USP34: variants seen among roughly 807,000 people sequenced by gnomAD.
USP34 encodes ubiquitin carboxyl-terminal hydrolase 34.
In USP34, 70 loss-of-function variants were observed where a neutral mutation model predicts 460.3. That is an observed-to-expected ratio of 0.15 (90% CI 0.13 to 0.19). The LOEUF (loss-of-function observed/expected upper bound fraction) is 0.19. USP34 is among the 10% of genes least tolerant of loss of function. USP34 has a pLI of 1.00. For synonymous variants in USP34, 1,647 were observed against 1,405.3 expected, an observed-to-expected ratio of 1.17 and a Z score of -3.85; for missense variants, 3,985 against 4,236.2, an observed-to-expected ratio of 0.94 and a Z score of 1.65.
intron 76 of USP34, 54 bp from the exon 77 acceptor site, chr2:61,190,712 A>C: frequency 6.4e-7 from 1 of 1,554,752 alleles, no homozygotes; most frequent in Non-Finnish European, 8.6e-7. Context: ...GAAAAAACTT[A>C]CACGGAAAAA....
chr2:61,387,681 ATAT>A (rs1243044979), intron 5 of USP34, among the ~76,000 whole-genome samples: 4 of 143,712 alleles, frequency 2.8e-5, no homozygotes, highest in Non-Finnish European at 6.1e-5. Context: ...ATGTAAAAAT[ATAT>A]TTTTACATAT....
At chr2:61,223,197 C>T (rs368856436) in intron 63 of USP34, 33 bp from the exon 64 acceptor site, 42 of 1,612,486 alleles carry the variant, frequency 2.6e-5, no homozygotes, top group Admixed American at 2.2e-4. Flanking sequence ...ATTTAAGAAC[C>T]GTTATTATTT....
intron 16 of USP34, among the ~76,000 whole-genome samples, chr2:61,340,740 T>G (rs780191112): frequency 2.6e-5 from 4 of 152,180 alleles, no homozygotes; most frequent in Non-Finnish European, 4.4e-5. Context: ...AATAAGTAAT[T>G]TGCCACTCTT....
chr2:61,235,122 T>C (rs1688028094), intron 57 of USP34, among the ~76,000 whole-genome samples: 2 of 152,180 alleles, frequency 1.3e-5, no homozygotes, highest in Non-Finnish European at 2.9e-5. Context: ...CATAACTACA[T>C]GGTGATAGAT....
intron 7 of USP34, among the ~76,000 whole-genome samples, chr2:61,379,214 AAAC>A: frequency 6.6e-6 from 1 of 152,260 alleles, no homozygotes; most frequent in East Asian, 1.9e-4. Context: ...TACCAAAACA[AAAC>A]AAAACAAAAA....
At chr2:61,412,906 A>G (rs1306379746) in intron 2 of USP34, among the ~76,000 whole-genome samples, 1 of 146,672 alleles carries the variant, frequency 6.8e-6, no homozygotes, top group Non-Finnish European at 1.5e-5. Flanking sequence ...AAAAAAAAAG[A>G]GAGAATATGA....
At chr2:61,258,378 C>G (rs1688778080) in intron 44 of USP34, among the ~76,000 whole-genome samples, 1 of 152,056 alleles carries the variant, frequency 6.6e-6, no homozygotes, top group Non-Finnish European at 1.5e-5. Context: ...TCCCTGTCCT[C>G]AAGATTTAAC....
intron 61 of USP34, 60 bp downstream of exon 61, chr2:61,228,585 C>T (rs943608704): frequency 1.7e-5 from 25 of 1,501,488 alleles, no homozygotes; most frequent in Non-Finnish European, 2.1e-5. Context: ...GGACTTCGCA[C>T]GATGCAAACT....
intron 3 of USP34, among the ~76,000 whole-genome samples, chr2:61,405,232 C>A (rs1371645908): frequency 6.4e-5 from 5 of 78,058 alleles, no homozygotes; most frequent in Non-Finnish European, 9.2e-5. Flanking sequence ...GACTCCATCT[C>A]AAAAAAAAAA....
chr2:61,202,047 A>G (rs767833835), intron 75 of USP34, among the ~76,000 whole-genome samples: 1 of 152,212 alleles, frequency 6.6e-6, no homozygotes, highest in Non-Finnish European at 1.5e-5. Flanking sequence ...AAACCAGCTA[A>G]TAATACCAGG....
chr2:61,287,163 C>A (rs1334300265), intron 34 of USP34, among the ~76,000 whole-genome samples: 1 of 152,078 alleles, frequency 6.6e-6, no homozygotes, highest in Admixed American at 6.6e-5. Context: ...CATTTAACCC[C>A]CAAAATTCCA....
At chr2:61,436,686 A>C (rs1182206861) in intron 1 of USP34, among the ~76,000 whole-genome samples, 1 of 152,222 alleles carries the variant, frequency 6.6e-6, no homozygotes, top group African/African-American at 2.4e-5. Flanking sequence ...TAGACCAAAT[A>C]AAACCAACAG....
chr2:61,222,577 G>A (rs1687617835), intron 65 of USP34, 42 bp downstream of exon 65: 9 of 1,555,102 alleles, frequency 5.8e-6, no homozygotes, highest in Non-Finnish European at 8.0e-6. Flanking sequence ...TAGCAGTGCT[G>A]AAAATTGTTT....
rs13390625 is a variant in USP34, at chr2:61,350,502, C to G, written c.1377+66G>C. ...GACAATAAAATGAAAGTTAAATTATCTGAATCACAAGGAAATTTTCACTTC... is the reference window on the plus strand; with the variant it reads ...GACAATAAAATGAAAGTTAAATTATGTGAATCACAAGGAAATTTTCACTTC... On this transcript the variant is annotated intron_variant, in intron 11 of 79. Transcript: ENST00000398571. 4 of 1,557,542 alleles carry G rather than the reference C, an allele frequency of 2.6e-6. No homozygotes were observed. The African/African-American group carries it at 5.6e-5, about 22-fold the overall frequency.
At position 61,247,534 on chromosome 2, in the gene USP34, A is replaced by AT. The variant is rs534791564; in HGVS notation, c.6394+976dup. On this transcript the variant is annotated intron_variant, in intron 49 of 79. Coordinates refer to ENST00000398571, the MANE Select transcript of USP34 (RefSeq NM_014709.4). ...TTCTGCTCTACTCTTCCAGAAAAAAATTTTTTTTCAAATAGATGGAGTCTT... is the reference window on the plus strand; with the variant it reads ...TTCTGCTCTACTCTTCCAGAAAAAAATTTTTTTTTCAAATAGATGGAGTCTT... 5.1e-3 allele frequency among the ~76,000 whole-genome samples: 775 copies of AT among 152,088 alleles called. 6 individuals are homozygous for AT. Among genetic ancestry groups the AT allele is most frequent in the African/African-American group, 0.018 (731 of 41,478 alleles).
In USP34 at chr2:61,283,738, T is replaced by C. The variant is rs1299871477; in HGVS notation, c.4833-289A>G. 2.0e-5 allele frequency among the ~76,000 whole-genome samples: 3 copies of C among 152,108 alleles called. No homozygotes were observed. The East Asian group carries it at 5.8e-4, about 29-fold the overall frequency. ...CTCAAGCAACCCTCCCACCTCAGCC[T>C]CCCAATAGCTGGGACTACAAGCATG... On this transcript the variant is annotated intron_variant, in intron 35 of 79. Transcript: ENST00000398571.
intron 41 of USP34, among the ~76,000 whole-genome samples, chr2:61,266,554 G>A (rs1028079093): frequency 1.3e-5 from 2 of 152,084 alleles, no homozygotes; most frequent in East Asian, 1.9e-4. Flanking sequence ...AATAACAGTG[G>A]CAAAATCAAC....
At position 61,347,909 on chromosome 2, in the gene USP34, T is replaced by C; in HGVS notation, c.2246A>G (p.His749Arg). The stretch of plus-strand genomic sequence containing the variant: ...GTGATGGTGGTGGTGGTGGTGGTGA[T>C]GCTGTGGACCAATAAATTGTCGACA... ...FNCRQFIGPQ[H>R]HHHHHHHHHH... The change falls in exon 15 of 80, where the codon CAT becomes CGT. Residue 749 changes from histidine to arginine, a missense_variant. His to Arg is a conservative substitution (Grantham distance 29). Around this residue, in one of 14 missense-constraint regions of USP34, gnomAD observed 716 missense variants for 626.2 expected, o/e 1.14. Transcript: ENST00000398571. 3 of 1,613,964 alleles carry C rather than the reference T, an allele frequency of 1.9e-6. No individual in the cohort carries two copies. The East Asian group carries it at 6.7e-5, about 36-fold the overall frequency.
chr2:61,203,061 CAT>C, intron 75 of USP34, 77 bp downstream of exon 75: 2 of 1,330,452 alleles, frequency 1.5e-6, no homozygotes, highest in Non-Finnish European at 2.0e-6. Context: ...AGGATTGTCT[CAT>C]AATTTTTCTC....
Sources: gnomAD v4.1 joint callset for allele counts (sites outside exome capture counted in the v4.1 genomes callset) on GRCh38, gnomAD v4.1.1 for gene constraint, gnomAD v4.1.1 regional missense constraint, MANE v1.5 for transcripts, NCBI Gene and HGNC (gene_info 2026-07-23, HGNC 2026-07-21) for gene names.